EDIL3: variants seen among roughly 807,000 people sequenced by gnomAD.
EDIL3 encodes the protein EGF like and discoidin domains 3, also known as EGF-like repeat and discoidin I-like domain-containing protein 3.
EDIL3 carries 37 observed loss-of-function variants against 67.4 expected under a neutral mutation model. The observed-to-expected ratio is 0.55, with a 90% confidence interval of 0.42 to 0.72. The LOEUF (loss-of-function observed/expected upper bound fraction) is 0.72. EDIL3 is among the 30% of genes least tolerant of loss of function. EDIL3 has a pLI of 0.00. For missense variants in EDIL3, 527 were observed against 586.3 expected, an observed-to-expected ratio of 0.90 and a Z score of 1.04; for synonymous variants, 195 against 196.3, an observed-to-expected ratio of 0.99 and a Z score of 0.05.
intron 1 of EDIL3, among the ~76,000 whole-genome samples, chr5:84,308,730 G>A (rs933289080): frequency 6.6e-6 from 1 of 152,104 alleles, no homozygotes; most frequent in Non-Finnish European, 1.5e-5. Flanking sequence ...ATAATGTTAT[G>A]TGTAAAACTA....
intron 9 of EDIL3, among the ~76,000 whole-genome samples, chr5:84,035,716 T>C (rs1746010222): frequency 6.6e-6 from 1 of 152,178 alleles, no homozygotes; most frequent in African/African-American, 2.4e-5. Context: ...TGGAACTTAT[T>C]TTTTAACTCA....
In EDIL3 at chr5:84,060,519, T is replaced by G. The variant is rs199702125; in HGVS notation, c.953-35A>C. The stretch of plus-strand genomic sequence containing the variant: ...AATGAGAAGGGCTCCATGAGAAAAA[T>G]AATTGATCACCTGGAACTTTTCTGC... On this transcript the variant is annotated intron_variant, in intron 8 of 10. Transcript: ENST00000296591. 2.7e-3 allele frequency: 4,310 copies of G among 1,608,612 alleles called. 20 individuals carry two copies. The highest frequency in any genetic ancestry group is 3.3e-3 in the Non-Finnish European group (3,848 of 1,178,090).
chr5:84,162,736 C>G (rs1474374840), intron 4 of EDIL3, among the ~76,000 whole-genome samples: 2 of 152,112 alleles, frequency 1.3e-5, no homozygotes, highest in East Asian at 3.9e-4. Flanking sequence ...ATCTGGCCCA[C>G]AGGAAATCCA....
chr5:83,994,096 C>A (rs78059030), intron 9 of EDIL3, among the ~76,000 whole-genome samples: 1 of 152,084 alleles, frequency 6.6e-6, no homozygotes, highest in Non-Finnish European at 1.5e-5. Context: ...GAAAACCTTG[C>A]AATTGTTTAT....
At chr5:84,361,469 A>G (rs931854145) in intron 1 of EDIL3, among the ~76,000 whole-genome samples, 3 of 152,082 alleles carry the variant, frequency 2.0e-5, no homozygotes, top group Non-Finnish European at 2.9e-5. Context: ...CCTTACTTCA[A>G]AAAGAATATG....
intron 1 of EDIL3, among the ~76,000 whole-genome samples, chr5:84,369,011 G>A (rs1311845098): frequency 6.6e-6 from 1 of 151,762 alleles, no homozygotes; most frequent in African/African-American, 2.4e-5. Flanking sequence ...GTGCACTCTT[G>A]GTGGGGATGT....
intron 9 of EDIL3, among the ~76,000 whole-genome samples, chr5:83,975,448 A>C (rs1457108930): frequency 6.6e-6 from 1 of 151,942 alleles, no homozygotes; most frequent in Non-Finnish European, 1.5e-5. Flanking sequence ...TTTTTTGCAT[A>C]TGTATTCAAG....
intron 4 of EDIL3, among the ~76,000 whole-genome samples, chr5:84,150,303 A>C (rs1370640384): frequency 6.6e-6 from 1 of 152,164 alleles, no homozygotes; most frequent in Non-Finnish European, 1.5e-5. Flanking sequence ...TCTATATCAA[A>C]TCCATAAACT....
intron 1 of EDIL3, among the ~76,000 whole-genome samples, chr5:84,309,595 T>A (rs1360724191): frequency 6.6e-6 from 1 of 151,946 alleles, no homozygotes; most frequent in Non-Finnish European, 1.5e-5. Flanking sequence ...TATACGGTGT[T>A]TGGTTTTTTG....
chr5:84,162,965 C>A (rs1197753202), intron 4 of EDIL3, among the ~76,000 whole-genome samples: 1 of 152,112 alleles, frequency 6.6e-6, no homozygotes, highest in East Asian at 1.9e-4. Context: ...GACCTTCCCA[C>A]AGTCCTTTTC....
chr5:84,087,213 C>T (rs932610733), intron 6 of EDIL3, among the ~76,000 whole-genome samples: 2 of 152,156 alleles, frequency 1.3e-5, no homozygotes, highest in African/African-American at 4.8e-5. Context: ...ATTTATTAAT[C>T]ACTGGCTTTA....
At chr5:84,105,740 G>C (rs1005880737) in intron 6 of EDIL3, among the ~76,000 whole-genome samples, 188 of 6,560 alleles carry the variant, frequency 0.029, no homozygotes, top group Non-Finnish European at 0.029. Context: ...CTCTAGTCAT[G>C]ATTTTCTACA....
intron 1 of EDIL3, among the ~76,000 whole-genome samples, chr5:84,276,381 T>C (rs895677568): frequency 6.6e-6 from 1 of 152,210 alleles, no homozygotes; most frequent in African/African-American, 2.4e-5. Context: ...AAATTCAAGA[T>C]GTGCTTTCAG....
intron 9 of EDIL3, among the ~76,000 whole-genome samples, chr5:84,018,934 T>C (rs923467628): frequency 6.6e-6 from 1 of 152,180 alleles, no homozygotes; most frequent in Admixed American, 6.5e-5. Context: ...GGAACACTTT[T>C]ACACTGTTGG....
At chr5:84,356,889 C>CTT (rs1189590387) in intron 1 of EDIL3, among the ~76,000 whole-genome samples, 1,736 of 32,110 alleles carry the variant, frequency 0.054, 246 homozygotes, top group Non-Finnish European at 0.069. Flanking sequence ...ATCTTTCTTT[C>CTT]TTTTTTTTTT....
At chr5:84,260,315 G>C (rs576729783) in intron 1 of EDIL3, among the ~76,000 whole-genome samples, 48 of 152,296 alleles carry the variant, frequency 3.2e-4, no homozygotes, top group African/African-American at 1.1e-3. Flanking sequence ...GCCTAACGAA[G>C]AGCATTCTAG....
chr5:84,091,711 T>C (rs952094730), intron 6 of EDIL3, among the ~76,000 whole-genome samples: 2 of 152,188 alleles, frequency 1.3e-5, no homozygotes, highest in Admixed American at 1.3e-4. Context: ...ACGAAACCTT[T>C]AGCTCAGATG....
chr5:84,328,219 T>G (rs900787131), intron 1 of EDIL3, among the ~76,000 whole-genome samples: 1 of 152,082 alleles, frequency 6.6e-6, no homozygotes, highest in Non-Finnish European at 1.5e-5. Flanking sequence ...TCCTATTCTA[T>G]ATAACTAGAT....
intron 1 of EDIL3, among the ~76,000 whole-genome samples, chr5:84,262,856 A>T (rs1027698677): frequency 6.6e-6 from 1 of 151,288 alleles, no homozygotes; most frequent in Admixed American, 6.6e-5. Flanking sequence ...AGTTTAGTAG[A>T]TATGGGGTTT....
Sources: gnomAD v4.1 joint callset for allele counts (sites outside exome capture counted in the v4.1 genomes callset) on GRCh38, gnomAD v4.1.1 for gene constraint, MANE v1.5 for transcripts, NCBI Gene and HGNC (gene_info 2026-07-23, HGNC 2026-07-21) for gene names.